NEDD4L: variants seen among roughly 807,000 people sequenced by gnomAD.
NEDD4L encodes E3 ubiquitin-protein ligase NEDD4-like.
Under a neutral mutation model 148.9 loss-of-function variants are expected in NEDD4L, and 54 were observed. The ratio of observed to expected loss-of-function variants is 0.36; its 90% confidence interval spans 0.29 to 0.45. The LOEUF is 0.45. NEDD4L is among the 20% of genes least tolerant of loss of function. The probability of loss-of-function intolerance (pLI) is 1.00; values close to 1 mark genes in which losing one functional copy is unlikely to be tolerated. For missense variants in NEDD4L, 856 were observed against 1,233.8 expected (o/e 0.69, Z 4.59); for synonymous variants, 433 against 440.7 (o/e 0.98, Z 0.22).
chr18:58,321,247 G>A (rs1449017716), intron 6 of NEDD4L, among the ~76,000 whole-genome samples: 1 of 152,234 alleles, frequency 6.6e-6, no homozygotes, highest in Non-Finnish European at 1.5e-5. Context: ...TAGGATGGGG[G>A]GTGATAAGGG....
chr18:58,257,457 A>G (rs1269303324), intron 5 of NEDD4L, among the ~76,000 whole-genome samples: 1 of 152,114 alleles, frequency 6.6e-6, no homozygotes, highest in Non-Finnish European at 1.5e-5. Flanking sequence ...TTTAAAGCAC[A>G]TTGGGTTATG....
chr18:58,085,511 T>A lies in NEDD4L; in HGVS notation c.48+40803T>A, dbSNP rs539676716. 2.0e-4 allele frequency among the ~76,000 whole-genome samples: 30 copies of A among 152,240 alleles called. No individual in the cohort carries two copies. The East Asian group carries it at 4.6e-3, about 24-fold the overall frequency. Reference sequence around the variant, plus strand: ...ATGAGTGTGCAAGATAATGAGGCGATCCCAAGGGAAGTAAAAGGATTGGAG... The same window carrying A: ...ATGAGTGTGCAAGATAATGAGGCGAACCCAAGGGAAGTAAAAGGATTGGAG... On this transcript the variant is annotated intron_variant, in intron 1 of 30. Coordinates refer to ENST00000400345, the MANE Select transcript of NEDD4L (RefSeq NM_001144967.3).
chr18:58,239,093 C>T (rs1366993281), intron 2 of NEDD4L, among the ~76,000 whole-genome samples: 2 of 152,126 alleles, frequency 1.3e-5, no homozygotes, highest in African/African-American at 2.4e-5. Context: ...ATTAACAAAA[C>T]GGGTTTTGCA....
intron 5 of NEDD4L, among the ~76,000 whole-genome samples, chr18:58,303,955 G>A (rs1250154952): frequency 6.6e-6 from 1 of 152,170 alleles, no homozygotes; most frequent in African/African-American, 2.4e-5. Context: ...AAGATGGAAT[G>A]GACACCTTCC....
In NEDD4L at chr18:58,181,689, C is replaced by T. The variant is rs78318740; in HGVS notation, c.122+15828C>T. On this transcript the variant is annotated intron_variant, in intron 2 of 30. Transcript: ENST00000400345. The stretch of plus-strand genomic sequence containing the variant: ...TGAAGGCCTCAAGCGATCCTCCTGT[C>T]GTGGCCTAAGAAAGGAATTCCTCAT... Among the ~76,000 whole-genome samples the T allele has an allele frequency of 1.0e-3, 155 of 152,200 alleles. No homozygotes were observed. The East Asian group carries it at 0.023, about 22-fold the overall frequency.
At chr18:58,125,069 TA>T (rs918451999) in intron 1 of NEDD4L, among the ~76,000 whole-genome samples, 3 of 152,276 alleles carry the variant, frequency 2.0e-5, no homozygotes, top group African/African-American at 4.8e-5. Flanking sequence ...GCTAATTTAT[TA>T]AAAAACATTT....
chr18:58,163,131 C>T (rs12955484), intron 1 of NEDD4L, among the ~76,000 whole-genome samples: 32,502 of 152,088 alleles, frequency 0.21, 4,597 homozygotes, highest in Non-Finnish European at 0.32. Flanking sequence ...CAGTAGCTTT[C>T]CACAGGCTTG....
chr18:58,110,055 C>G (rs1478614762), intron 1 of NEDD4L, among the ~76,000 whole-genome samples: 1 of 80,134 alleles, frequency 1.2e-5, no homozygotes, highest in Non-Finnish European at 2.5e-5. Context: ...TTGGGCTGCC[C>G]TAGGGCTGCC....
intron 1 of NEDD4L, among the ~76,000 whole-genome samples, chr18:58,068,136 C>G (rs1019208998): frequency 2.7e-5 from 4 of 149,112 alleles, no homozygotes; most frequent in Non-Finnish European, 5.9e-5. Flanking sequence ...ATTTTTTTTT[C>G]TTAAAGATGA....
At chr18:58,245,949 T>G (rs2047218065) in intron 3 of NEDD4L, among the ~76,000 whole-genome samples, 1 of 150,780 alleles carries the variant, frequency 6.6e-6, no homozygotes, top group African/African-American at 2.4e-5. Context: ...CCACCTGTCG[T>G]GGACTCCCAA....
At chr18:58,077,993 T>C (rs1169402320) in intron 1 of NEDD4L, among the ~76,000 whole-genome samples, 1 of 145,398 alleles carries the variant, frequency 6.9e-6, no homozygotes, top group African/African-American at 2.6e-5. Flanking sequence ...AAAATGCCAA[T>C]AGTGCTGAGG....
At chr18:58,108,111 T>C (rs1787777) in intron 1 of NEDD4L, among the ~76,000 whole-genome samples, 40,034 of 152,120 alleles carry the variant, frequency 0.26, 5,709 homozygotes, top group African/African-American at 0.35. Flanking sequence ...TTGATTTAGT[T>C]AGATCTTGAG....
intron 1 of NEDD4L, among the ~76,000 whole-genome samples, chr18:58,074,107 G>A (rs1200865366): frequency 3.3e-5 from 5 of 152,116 alleles, no homozygotes; most frequent in Non-Finnish European, 7.4e-5. Context: ...CCTGAATGAG[G>A]AAGTTAGTTA....
At chr18:58,355,601 C>T (rs1042608439) in intron 18 of NEDD4L, among the ~76,000 whole-genome samples, 3 of 152,140 alleles carry the variant, frequency 2.0e-5, no homozygotes, top group East Asian at 1.9e-4. Flanking sequence ...AGCTGTACTC[C>T]GTTTCCTTTA....
intron 5 of NEDD4L, among the ~76,000 whole-genome samples, chr18:58,278,746 A>G (rs565348288): frequency 1.3e-5 from 2 of 152,048 alleles, no homozygotes; most frequent in South Asian, 2.1e-4. Flanking sequence ...TGTGCCATTT[A>G]TGTTTGCATG....
chr18:58,112,490 T>A (rs1185186323), intron 1 of NEDD4L, among the ~76,000 whole-genome samples: 3 of 151,810 alleles, frequency 2.0e-5, no homozygotes, highest in Non-Finnish European at 2.9e-5. Flanking sequence ...ATTTTTAAAA[T>A]TTTATTATTA....
At position 58,350,979 on chromosome 18, in the gene NEDD4L, C is replaced by G. The variant is rs760196251; in HGVS notation, c.1654-12C>G. ...TTATATTTTCTCTCTCCCTTCCTTC[C>G]CCGGATACTAGCCTGGCTGGGAAGA... is the stretch of plus-strand genomic sequence containing the variant. On this transcript the variant is annotated splice_polypyrimidine_tract_variant and intron_variant, in intron 17 of 30. Coordinates refer to ENST00000400345, the MANE Select transcript of NEDD4L (RefSeq NM_001144967.3). 2 of 1,581,562 alleles carry G rather than the reference C, an allele frequency of 1.3e-6. No homozygotes were observed. Among genetic ancestry groups the G allele is most frequent in the Admixed American group, 3.6e-5 (2 of 55,738 alleles).
chr18:58,121,200 C>A (rs1177682323), intron 1 of NEDD4L, among the ~76,000 whole-genome samples: 1 of 151,992 alleles, frequency 6.6e-6, no homozygotes, highest in Non-Finnish European at 1.5e-5. Context: ...GAGGACACAA[C>A]AGAGAAAGGA....
chr18:58,249,930 A>G (rs2047695914), intron 4 of NEDD4L, among the ~76,000 whole-genome samples: 2 of 152,234 alleles, frequency 1.3e-5, no homozygotes, highest in Admixed American at 6.5e-5. Flanking sequence ...AGGACTGAAA[A>G]GCTAATAGGA....
Sources: allele counts gnomAD v4.1 joint callset (sites outside exome capture counted in the v4.1 genomes callset), GRCh38; gene constraint gnomAD v4.1.1; transcripts MANE v1.5; gene names NCBI Gene and HGNC (gene_info 2026-07-23, HGNC 2026-07-21).